The following SEMA3A variants were observed in gnomAD, a reference collection of about 807,000 sequenced individuals.
SEMA3A encodes semaphorin-3A.
Under a neutral mutation model 97.9 loss-of-function variants are expected in SEMA3A, and 29 were observed. The ratio of observed to expected loss-of-function variants is 0.30; its 90% CI spans 0.22 to 0.40. The LOEUF is 0.40. Ranked by LOEUF, SEMA3A falls within the 10% of genes least tolerant of loss-of-function variation. SEMA3A has a pLI of 1.00. For missense variants in SEMA3A, 763 were observed against 951.3 expected, an observed-to-expected ratio of 0.80 and a Z score of 2.60; for synonymous variants, 321 against 323.7, an observed-to-expected ratio of 0.99 and a Z score of 0.09.
chr7:84,143,349 T>C (rs1248245339), intron 1 of SEMA3A, among the ~76,000 whole-genome samples: 1 of 152,160 alleles, frequency 6.6e-6, no homozygotes, highest in Non-Finnish European at 1.5e-5. Flanking sequence ...CAATATCAAA[T>C]TATTAAGGAA....
chr7:84,063,603 C>G (rs1274915711), intron 4 of SEMA3A, among the ~76,000 whole-genome samples: 1 of 150,988 alleles, frequency 6.6e-6, no homozygotes. Flanking sequence ...AACCAAGGCT[C>G]GAGAACTACA....
chr7:84,062,939 C>T (rs1324689232), intron 4 of SEMA3A, among the ~76,000 whole-genome samples: 1 of 151,954 alleles, frequency 6.6e-6, no homozygotes, highest in Non-Finnish European at 1.5e-5. Context: ...GGCCTGCCTG[C>T]CTCTGTAGGC....
rs1273185224 is a variant in SEMA3A, at chr7:84,424,527, A to G, written c.-245-52627T>C. Among the ~76,000 whole-genome samples the G allele has an allele frequency of 1.1e-4, 10 of 90,854 alleles. No homozygotes were observed. The East Asian group carries it at 2.9e-3, about 26-fold the overall frequency. The allele number at this position is 90,854 out of a possible 152,430, so 59.6% of individuals were successfully genotyped here. The stretch of plus-strand genomic sequence containing the variant: ...ATATATAAATATTAATATATGTTAT[A>G]TATAATATATAAATATTAATATATA... On this transcript the variant is annotated intron_variant, in intron 1 of 3. Transcript: ENST00000424555.
intron 12 of SEMA3A, among the ~76,000 whole-genome samples, chr7:84,000,467 C>T (rs1790395695): frequency 6.6e-6 from 1 of 152,126 alleles, no homozygotes; most frequent in African/African-American, 2.4e-5. Context: ...AGCTCATTTT[C>T]AGTTTAGCTA....
intron 4 of SEMA3A, among the ~76,000 whole-genome samples, chr7:84,063,270 C>T (rs951821408): frequency 1.3e-5 from 2 of 150,246 alleles, no homozygotes; most frequent in Non-Finnish European, 3.0e-5. Context: ...CCCATCTGTA[C>T]ATCACCATCA....
intron 6 of SEMA3A, among the ~76,000 whole-genome samples, chr7:84,031,562 G>A (rs1037749182): frequency 6.6e-6 from 1 of 151,998 alleles, no homozygotes; most frequent in Non-Finnish European, 1.5e-5. Context: ...GGCTGGGTGC[G>A]GTGGCTCACG....
At chr7:84,409,784 T>C (rs529875956) in intron 1 of SEMA3A, among the ~76,000 whole-genome samples, 12 of 152,140 alleles carry the variant, frequency 7.9e-5, no homozygotes, top group Non-Finnish European at 1.8e-4. Context: ...AGCTATGGCA[T>C]ATGATTTCTG....
intron 3 of SEMA3A, among the ~76,000 whole-genome samples, chr7:84,250,464 G>A (rs1337262191): frequency 2.6e-5 from 4 of 152,078 alleles, no homozygotes; most frequent in Admixed American, 6.6e-5. Flanking sequence ...ACCTTTAGCA[G>A]GGGGAGCTGA....
intron 1 of SEMA3A, among the ~76,000 whole-genome samples, chr7:84,417,925 T>C (rs1441977824): frequency 6.6e-6 from 1 of 152,142 alleles, no homozygotes; most frequent in East Asian, 1.9e-4. Flanking sequence ...GTCTAATTAT[T>C]AAGCTAATAT....
At chr7:84,100,541 G>A (rs868462729) in intron 4 of SEMA3A, among the ~76,000 whole-genome samples, 17 of 152,052 alleles carry the variant, frequency 1.1e-4, no homozygotes, top group Admixed American at 3.9e-4. Flanking sequence ...TATATTCACC[G>A]TTCAATCAAT....
intron 6 of SEMA3A, among the ~76,000 whole-genome samples, chr7:84,016,265 C>G (rs945139741): frequency 6.6e-6 from 1 of 152,036 alleles, no homozygotes; most frequent in African/African-American, 2.4e-5. Flanking sequence ...CCTGGCCGGG[C>G]ACGGTGGCTC....
intron 1 of SEMA3A, among the ~76,000 whole-genome samples, chr7:84,404,716 C>A (rs1480142628): frequency 6.6e-6 from 1 of 152,162 alleles, no homozygotes; most frequent in African/African-American, 2.4e-5. Context: ...CTCTACAAGC[C>A]AGAAGAGAGT....
At chr7:84,273,769 C>T (rs73185120) in intron 3 of SEMA3A, among the ~76,000 whole-genome samples, 11,994 of 152,052 alleles carry the variant, frequency 0.079, 658 homozygotes, top group East Asian at 0.3. Context: ...TTTTTGTAGG[C>T]TCTTTGTCCT....
chr7:84,075,242 C>T (rs1420156318), intron 4 of SEMA3A, among the ~76,000 whole-genome samples: 7 of 147,212 alleles, frequency 4.8e-5, no homozygotes, highest in Non-Finnish European at 7.5e-5. Flanking sequence ...GGTGTGATCT[C>T]GGCTCACTGT....
chr7:84,064,834 C>T (rs1324246075), intron 4 of SEMA3A, among the ~76,000 whole-genome samples: 1 of 151,622 alleles, frequency 6.6e-6, no homozygotes, highest in African/African-American at 2.4e-5. Flanking sequence ...GACTTCAACA[C>T]CCCACTGTCA....
At chr7:84,321,889 AAAAAAAAAAAG>A (rs1406195604) in intron 2 of SEMA3A, among the ~76,000 whole-genome samples, 2,986 of 129,170 alleles carry the variant, frequency 0.023, 96 homozygotes, top group Non-Finnish European at 0.036. Context: ...AAAAAAAAAA[AAAAAAAAAAAG>A]AAGAAGAAGA....
chr7:84,410,959 C>CG lies in SEMA3A; in HGVS notation c.-245-39060dup, dbSNP rs199747994. On this transcript the variant is annotated intron_variant, in intron 1 of 3. Transcript: ENST00000424555. ...TTCAGGTTTTTCTTGTTGTCGTTGT[C>CG]GGGGGATTGTAACTTTTTATTCCAC... Among the ~76,000 whole-genome samples, 708 of 152,034 alleles carry CG rather than the reference C, an allele frequency of 4.7e-3. 21 individuals carry two copies. The highest frequency in any genetic ancestry group is 0.038 in the Admixed American group (586 of 15,244).
intron 3 of SEMA3A, among the ~76,000 whole-genome samples, chr7:84,243,381 G>A (rs760576258): frequency 1.3e-5 from 2 of 152,162 alleles, no homozygotes; most frequent in Non-Finnish European, 2.9e-5. Flanking sequence ...TTGGGTGGGT[G>A]TATTTGTCCA....
chr7:84,196,361 C>G (rs1798231202), upstream of SEMA3A, among the ~76,000 whole-genome samples: 1 of 151,370 alleles, frequency 6.6e-6, no homozygotes, highest in Non-Finnish European at 1.5e-5. Flanking sequence ...CTTTCTCTCT[C>G]TCTCTCTCTC....
Sources: gnomAD v4.1 joint callset for allele counts (sites outside exome capture counted in the v4.1 genomes callset) on GRCh38, gnomAD v4.1.1 for gene constraint, MANE v1.5 for transcripts, NCBI Gene and HGNC (gene_info 2026-07-23, HGNC 2026-07-21) for gene names.